SAMD12: variants seen among roughly 807,000 people sequenced by gnomAD.
SAMD12 encodes the protein sterile alpha motif domain-containing protein 12.
Under a neutral mutation model 15.0 loss-of-function variants are expected in SAMD12, and 9 were observed. The ratio of observed to expected loss-of-function variants is 0.60; its 90% confidence interval spans 0.36 to 1.05. The LOEUF (loss-of-function observed/expected upper bound fraction) is 1.05. SAMD12 is among the 50% of genes least tolerant of loss of function. The probability of loss-of-function intolerance (pLI) is 0.01; values close to 1 mark genes in which losing one functional copy is unlikely to be tolerated. For missense variants in SAMD12, 230 were observed against 234.2 expected, an observed-to-expected ratio of 0.98 and a Z score of 0.12; for synonymous variants, 86 against 90.1, an observed-to-expected ratio of 0.96 and a Z score of 0.25.
chr8:118,500,557 G>A (rs925842012), intron 2 of SAMD12, among the ~76,000 whole-genome samples: 3 of 151,976 alleles, frequency 2.0e-5, no homozygotes, highest in Admixed American at 1.3e-4. Flanking sequence ...TGTAATCCCA[G>A]CACTTTGGAA....
intron 2 of SAMD12, among the ~76,000 whole-genome samples, chr8:118,444,538 T>A (rs1405214110): frequency 7.6e-6 from 1 of 131,518 alleles, no homozygotes; most frequent in Admixed American, 7.5e-5. Flanking sequence ...TGCAAATTAC[T>A]TTTTTTTTTT....
At position 118,462,697 on chromosome 8, in the gene SAMD12, G is replaced by A. The variant is rs544647847; in HGVS notation, c.193-22736C>T. On this transcript the variant is annotated intron_variant, in intron 2 of 3. Transcript: ENST00000314727. ...GCTGAAAGTAAGGATGAGAAATGAG[G>A]ACCATTCTCAAAATCCAAAGCACAG... Among the ~76,000 whole-genome samples the A allele has an allele frequency of 3.8e-4, 58 of 152,180 alleles. 1 individual carries two copies. In the South Asian group the frequency reaches 0.011, roughly 30 times the overall value.
At chr8:118,296,873 T>C (rs1307263554) in intron 4 of SAMD12, among the ~76,000 whole-genome samples, 7 of 152,226 alleles carry the variant, frequency 4.6e-5, no homozygotes, top group Non-Finnish European at 8.8e-5. Context: ...GTTGACCACC[T>C]ACTCTGTGCT....
At chr8:118,500,467 C>T (rs1367686122) in intron 2 of SAMD12, among the ~76,000 whole-genome samples, 1 of 151,046 alleles carries the variant, frequency 6.6e-6, no homozygotes, top group African/African-American at 2.4e-5. Context: ...GACATAGAGA[C>T]ATGGGTTCCT....
At chr8:118,383,932 C>G (rs1399847997) in intron 3 of SAMD12, among the ~76,000 whole-genome samples, 2 of 151,980 alleles carry the variant, frequency 1.3e-5, no homozygotes, top group African/African-American at 4.8e-5. Context: ...CACAAGTAAA[C>G]CGACAACTAG....
chr8:118,549,435 C>A (rs1322998148), intron 2 of SAMD12, among the ~76,000 whole-genome samples: 1 of 152,226 alleles, frequency 6.6e-6, no homozygotes, highest in Non-Finnish European at 1.5e-5. Context: ...TGGAGTGGAC[C>A]TCTAGCAAAC....
At chr8:118,395,289 C>G (rs1037966892) in intron 3 of SAMD12, among the ~76,000 whole-genome samples, 2 of 152,138 alleles carry the variant, frequency 1.3e-5, no homozygotes, top group Admixed American at 6.5e-5. Context: ...ACCACACTCC[C>G]TCATTCACTG....
intron 1 of SAMD12, among the ~76,000 whole-genome samples, chr8:118,590,291 C>T (rs1827553886): frequency 6.6e-6 from 1 of 152,198 alleles, no homozygotes; most frequent in African/African-American, 2.4e-5. Flanking sequence ...TAGACTCACA[C>T]CCTCACCAGG....
the SAMD12 span, among the ~76,000 whole-genome samples, chr8:118,132,498 T>C: frequency 1.3e-5 from 2 of 152,244 alleles, no homozygotes; most frequent in African/African-American, 2.4e-5. Flanking sequence ...ATTCCGAGCA[T>C]TGGAAGACCC....
chr8:118,549,813 C>T (rs1257489561), intron 2 of SAMD12, among the ~76,000 whole-genome samples: 2 of 151,926 alleles, frequency 1.3e-5, no homozygotes, highest in African/African-American at 4.8e-5. Flanking sequence ...CTAGAATAAC[C>T]AATACAGAGA....
intron 2 of SAMD12, among the ~76,000 whole-genome samples, chr8:118,505,667 T>C (rs79312698): frequency 0.024 from 3,588 of 151,470 alleles, 117 homozygotes; most frequent in African/African-American, 0.077. Flanking sequence ...TGTGAGTCAG[T>C]CACGCATTAC....
At chr8:118,175,427 C>T in the SAMD12 span, among the ~76,000 whole-genome samples, 4 of 152,204 alleles carry the variant, frequency 2.6e-5, no homozygotes, top group African/African-American at 9.6e-5. Context: ...CTGGACATTG[C>T]CCTGGGCAAA....
At chr8:118,359,534 T>C (rs1376111900) in intron 4 of SAMD12, among the ~76,000 whole-genome samples, 1 of 152,216 alleles carries the variant, frequency 6.6e-6, no homozygotes, top group Non-Finnish European at 1.5e-5. Flanking sequence ...TGAGATACTA[T>C]ATTCCCAATG....
intron 4 of SAMD12, among the ~76,000 whole-genome samples, chr8:118,334,249 C>T (rs924414572): frequency 3.3e-5 from 5 of 152,110 alleles, no homozygotes; most frequent in African/African-American, 1.2e-4. Flanking sequence ...GAGTACCTGG[C>T]CTGTGTCTGT....
chr8:118,399,202 T>C (rs529139556), intron 3 of SAMD12, among the ~76,000 whole-genome samples: 3,426 of 22,688 alleles, frequency 0.15, 106 homozygotes, highest in African/African-American at 0.36. Flanking sequence ...TTTTTTTTTC[T>C]TTTTTTTTTT....
intron 4 of SAMD12, among the ~76,000 whole-genome samples, chr8:118,244,170 C>T (rs1402653507): frequency 6.6e-6 from 1 of 152,154 alleles, no homozygotes; most frequent in Non-Finnish European, 1.5e-5. Flanking sequence ...GGAGTACATA[C>T]TGCGCATATA....
chr8:118,469,522 T>TA (rs1563879139), intron 2 of SAMD12, among the ~76,000 whole-genome samples: 3 of 1,740 alleles, frequency 1.7e-3, no homozygotes, highest in Non-Finnish European at 1.1e-3. Context: ...ATATAATATA[T>TA]ATAATATATT....
intron 2 of SAMD12, among the ~76,000 whole-genome samples, chr8:118,481,109 A>T (rs2130989899): frequency 6.7e-6 from 1 of 149,884 alleles, no homozygotes; most frequent in African/African-American, 2.4e-5. Flanking sequence ...AGCCTGGCTA[A>T]TTTTTTTTTT....
rs187480115 is a variant in SAMD12, at chr8:118,224,167, G to A, written c.434-26435C>T. ...TTAAAACACACTGAACGGGTAAGGT[G>A]GATTTGGATCATGAGAGTGGCTGAG... On this transcript the variant is annotated intron_variant, in intron 4 of 4. Coordinates refer to the SAMD12 transcript ENST00000409003. Among the ~76,000 whole-genome samples the A allele has an allele frequency of 2.4e-3, 360 of 152,276 alleles. 3 individuals are homozygous for A. Among genetic ancestry groups the A allele is most frequent in the African/African-American group, 8.3e-3 (344 of 41,560 alleles).
Sources: allele counts gnomAD v4.1 joint callset (sites outside exome capture counted in the v4.1 genomes callset), GRCh38; gene constraint gnomAD v4.1.1; transcripts MANE v1.5; gene names NCBI Gene and HGNC (gene_info 2026-07-23, HGNC 2026-07-21).